Variants in NWD2 observed in about 807,000 individuals in gnomAD.
The protein encoded by NWD2 is NACHT and WD repeat domain containing 2.
A neutral mutation model predicts 132.7 loss-of-function variants in NWD2; 37 were observed. The ratio of observed to expected loss-of-function variants is 0.28; its 90% confidence interval spans 0.21 to 0.37. NWD2 has a LOEUF of 0.37. NWD2 is among the 10% of genes least tolerant of loss of function. NWD2 has a pLI of 1.00. For synonymous variants in NWD2, 705 were observed against 803.0 expected, an observed-to-expected ratio of 0.88 and a Z score of 2.06; for missense variants, 1,592 against 2,122.4, an observed-to-expected ratio of 0.75 and a Z score of 4.91.
At chr4:37,403,560 A>T (rs1415477299) in intron 3 of NWD2, among the ~76,000 whole-genome samples, 1 of 152,102 alleles carries the variant, frequency 6.6e-6, no homozygotes, top group Non-Finnish European at 1.5e-5. Context: ...CAAAAAGATG[A>T]GTTTTGCCTG....
At chr4:37,389,525 G>A (rs1720638728) in intron 3 of NWD2, among the ~76,000 whole-genome samples, 1 of 152,104 alleles carries the variant, frequency 6.6e-6, no homozygotes, top group African/African-American at 2.4e-5. Flanking sequence ...GCTCTACAGT[G>A]ACAATGGCTG....
At chr4:37,434,637 G>T (rs776136530) in intron 5 of NWD2, among the ~76,000 whole-genome samples, 2 of 152,196 alleles carry the variant, frequency 1.3e-5, no homozygotes, top group African/African-American at 4.8e-5. Context: ...CCTGAATTAC[G>T]GAAGAAAATC....
intron 1 of NWD2, among the ~76,000 whole-genome samples, chr4:37,270,767 G>C (rs1717855888): frequency 6.6e-6 from 1 of 151,380 alleles, no homozygotes; most frequent in African/African-American, 2.4e-5. Context: ...TTTTAATTTT[G>C]GTGACAAATT....
intron 3 of NWD2, among the ~76,000 whole-genome samples, chr4:37,393,844 C>A (rs1720726834): frequency 6.6e-6 from 1 of 152,222 alleles, no homozygotes; most frequent in Non-Finnish European, 1.5e-5. Context: ...TTGAATTGGT[C>A]TGATTCCTTT....
rs76358831 is a variant in NWD2 at position 37,281,121 on chromosome 4, G to C, written c.151+35903G>C. On this transcript the variant is annotated intron_variant, in intron 1 of 6. Transcript: ENST00000309447. ...GCTGCTTCTGAGGGACAGTCCAAGG[G>C]GGGGACATGGTTAAAAACAACCACA... is the stretch of plus-strand genomic sequence containing the variant. Among the ~76,000 whole-genome samples, 9 of 152,196 alleles carry C rather than the reference G, an allele frequency of 5.9e-5. No homozygotes were observed. In the South Asian group the frequency reaches 6.2e-4, roughly 11 times the overall value.
chr4:37,411,914 G>C (rs1721167637), intron 3 of NWD2, among the ~76,000 whole-genome samples: 1 of 152,088 alleles, frequency 6.6e-6, no homozygotes, highest in South Asian at 2.1e-4. Context: ...TGCAAAAAAG[G>C]CCTTTGACAA....
chr4:37,336,435 G>T (rs1362346704), intron 2 of NWD2, among the ~76,000 whole-genome samples: 4 of 152,154 alleles, frequency 2.6e-5, no homozygotes, highest in Non-Finnish European at 1.5e-5. Context: ...CATGTGGCCA[G>T]TAGCTCCCAG....
chr4:37,316,439 C>T (rs1441436807), intron 1 of NWD2, among the ~76,000 whole-genome samples: 1 of 151,872 alleles, frequency 6.6e-6, no homozygotes, highest in Non-Finnish European at 1.5e-5. Flanking sequence ...AACAGTTTGA[C>T]TATATGTGTC....
intron 3 of NWD2, among the ~76,000 whole-genome samples, chr4:37,404,801 T>A (rs1332708481): frequency 6.6e-6 from 1 of 152,140 alleles, no homozygotes; most frequent in Admixed American, 6.5e-5. Flanking sequence ...GAGCAAGACG[T>A]CTTACAAGGT....
At chr4:37,249,907 A>T (rs575746865) in intron 1 of NWD2, among the ~76,000 whole-genome samples, 1 of 152,336 alleles carries the variant, frequency 6.6e-6, no homozygotes, top group Admixed American at 6.5e-5. Context: ...TGGAAGTAAC[A>T]GCAAGAGACA....
chr4:37,321,173 A>G (rs1719060326), intron 1 of NWD2, among the ~76,000 whole-genome samples: 1 of 152,180 alleles, frequency 6.6e-6, no homozygotes, highest in South Asian at 2.1e-4. Flanking sequence ...AGAGAAAGAA[A>G]AAAATGACTA....
chr4:37,433,643 C>A (rs1712236224), intron 4 of NWD2, among the ~76,000 whole-genome samples: 2 of 152,180 alleles, frequency 1.3e-5, no homozygotes, highest in African/African-American at 4.8e-5. Flanking sequence ...GAAAGTCTGA[C>A]AAACACACCG....
intron 3 of NWD2, among the ~76,000 whole-genome samples, chr4:37,382,801 GT>G (rs1229503577): frequency 6.6e-6 from 1 of 151,868 alleles, no homozygotes; most frequent in Non-Finnish European, 1.5e-5. Context: ...AGCAATTCTT[GT>G]GCCTCAGCCT....
At chr4:37,323,023 C>A (rs115770472) in intron 1 of NWD2, among the ~76,000 whole-genome samples, 1 of 148,424 alleles carries the variant, frequency 6.7e-6, no homozygotes, top group African/African-American at 2.4e-5. Context: ...GGATTCAATT[C>A]TGGGTTTTCT....
intron 3 of NWD2, among the ~76,000 whole-genome samples, chr4:37,359,041 C>G (rs1319364119): frequency 6.6e-6 from 1 of 152,134 alleles, no homozygotes; most frequent in Non-Finnish European, 1.5e-5. Flanking sequence ...GTAATCCAGC[C>G]TTGGAAATTC....
rs115791870 is a variant in NWD2, at chr4:37,287,983, C to A, written c.152-37953C>A. Among the ~76,000 whole-genome samples, 1,169 of 152,266 alleles carry A rather than the reference C, an allele frequency of 7.7e-3. 18 individuals are homozygous for A. The highest frequency in any genetic ancestry group is 0.026 in the African/African-American group (1,083 of 41,546). ...GACCATGGAATATTACACAGCCATA[C>A]AAAGGAATGAGATCATGTCCTTTTC... On this transcript the variant is annotated intron_variant, in intron 1 of 6. Transcript: ENST00000309447.
intron 3 of NWD2, among the ~76,000 whole-genome samples, chr4:37,394,787 T>C (rs1376612901): frequency 7.1e-6 from 1 of 141,158 alleles, no homozygotes; most frequent in Non-Finnish European, 1.5e-5. Flanking sequence ...TCCTCTATAG[T>C]GAACCTTTAT....
intron 2 of NWD2, among the ~76,000 whole-genome samples, chr4:37,335,311 G>C (rs1311537350): frequency 6.6e-5 from 8 of 120,434 alleles, no homozygotes; most frequent in South Asian, 3.4e-4. Context: ...GGGGGGGGGG[G>C]GCTTAAATTG....
chr4:37,419,273 G>A (rs111586248), intron 3 of NWD2, among the ~76,000 whole-genome samples: 12,414 of 152,078 alleles, frequency 0.082, 1,034 homozygotes, highest in African/African-American at 0.2. Flanking sequence ...AGACTTAAAC[G>A]TAAGACCTAG....
Sources: gnomAD v4.1 joint callset for allele counts (sites outside exome capture counted in the v4.1 genomes callset) on GRCh38, gnomAD v4.1.1 for gene constraint, MANE v1.5 for transcripts, NCBI Gene and HGNC (gene_info 2026-07-23, HGNC 2026-07-21) for gene names.